The following MMP21 variants were observed in gnomAD, a reference collection of about 807,000 sequenced individuals.
MMP21 encodes the protein matrix metallopeptidase 21, also known as matrix metalloproteinase-21.
In MMP21, 40 loss-of-function variants were observed where a neutral mutation model predicts 47.8. The observed-to-expected ratio is 0.84, with a 90% CI of 0.65 to 1.09. MMP21 has a LOEUF of 1.09. MMP21 is among the 50% of genes least tolerant of loss of function. MMP21 has a pLI of 0.00. For missense variants in MMP21, 747 were observed against 775.3 expected (o/e 0.96, Z 0.43); for synonymous variants, 341 against 318.0 (o/e 1.07, Z -0.77).
At chr10:125,767,855 C>T in intron 5 of MMP21, 151 bp from the exon 6 acceptor site, 1 of 708,296 alleles carries the variant, frequency 1.4e-6, no homozygotes, top group Admixed American at 2.7e-5. Flanking sequence ...TGAGTGAAGC[C>T]TCCACTCCGC....
intron 6 of MMP21, 26 bp downstream of exon 6, chr10:125,767,506 G>A (rs745549569): frequency 6.2e-7 from 1 of 1,604,186 alleles, no homozygotes; most frequent in Admixed American, 1.7e-5. Context: ...CAGAAGCATT[G>A]CTAGGCTGAA....
intron 4 of MMP21, 56 bp from the exon 5 acceptor site, chr10:125,770,647 A>AT: frequency 1.3e-6 from 2 of 1,581,668 alleles, no homozygotes; most frequent in Non-Finnish European, 1.7e-6. Context: ...CAAAACTTAT[A>AT]TTTTCATATG....
chr10:125,772,108 A>G lies in MMP21; in HGVS notation c.979+110T>C, dbSNP rs556381208. The G allele has an allele frequency of 1.3e-5, 17 of 1,309,962 alleles. No homozygotes were observed. In the East Asian group the frequency reaches 3.9e-4, roughly 30 times the overall value. 81.1% of individuals were successfully genotyped at this position (1,309,962 alleles called of 1,614,324 possible). A position where few individuals can be genotyped will look rare whatever the true frequency, so the allele number is the denominator to read the frequency against. ...ACCCTTGGGTGACATGAGTTGTACAACGTTGCGCTCTTAGGCCCAGTTTCC... is the reference window on the plus strand; with the variant it reads ...ACCCTTGGGTGACATGAGTTGTACAGCGTTGCGCTCTTAGGCCCAGTTTCC... On this transcript the variant is annotated intron_variant, in intron 4 of 6. Transcript: ENST00000368808. This position sits in a 1 kb window ranked among gnomAD's most constrained non-coding sequence, Gnocchi z 5.6.
chr10:125,766,945 A>G lies in MMP21; in HGVS notation c.1427T>C (p.Val476Ala). 1 of 1,588,604 alleles carries G rather than the reference A, an allele frequency of 6.3e-7. No homozygotes were observed. Among genetic ancestry groups the G allele is most frequent in the Non-Finnish European group, 8.5e-7 (1 of 1,170,886 alleles). The change falls in exon 7 of 7, where the codon GTC becomes GCC. Residue 476 changes from valine (V) to alanine (A), a missense_variant. Transcript: ENST00000368808. ...AGAATTAAGTACTCGATTTCTGTTGACATCAAATGCAAATACCTGCAAAGC... is the reference window on the plus strand; with the variant it reads ...AGAATTAAGTACTCGATTTCTGTTGGCATCAAATGCAAATACCTGCAAAGC... ...FKESLVFAFD[V>A]NRNRVLNSYP...
rs1214445518 is a variant in MMP21, at chr10:125,767,543, TGAA to T, written c.1396_1398del (p.Phe466del). The T allele has an allele frequency of 1.9e-6, 3 of 1,614,112 alleles. No homozygotes were observed. The highest frequency in any genetic ancestry group is 2.2e-5 in the South Asian group (2 of 91,078). On this transcript the variant is annotated inframe_deletion, in exon 6 of 7. Coordinates refer to ENST00000368808, the MANE Select transcript of MMP21 (RefSeq NM_147191.1). ...AGCCTTCTACTTACAAGGGACTCCT[TGAA>T]GAAGTAAATTAACTTCTGTCTTCGG... is the stretch of plus-strand genomic sequence containing the variant.
Position 125,767,602 on chromosome 10 carries a change from A to T in MMP21, c.1340T>A (p.Ile447Asn). ...PKLISEGFPG[I>N]PSPLDTAFYD... ...AAACGCCGTGTCTAGGGGACTTGGG[A>T]TGCCAGGAAATCCTTCTGAAATCAA... The change falls in exon 6 of 7, where the codon ATC (isoleucine) becomes AAC (asparagine). Residue 447 changes from isoleucine to asparagine, a missense_variant. Transcript: ENST00000368808. The T allele has an allele frequency of 1.2e-6, 2 of 1,614,172 alleles. No homozygotes were observed. The highest frequency in any genetic ancestry group is 1.7e-6 in the Non-Finnish European group (2 of 1,180,030).
chr10:125,770,694 C>T, intron 4 of MMP21, 103 bp from the exon 5 acceptor site: 1 of 1,305,108 alleles, frequency 7.7e-7, no homozygotes, highest in Non-Finnish European at 1.0e-6. Context: ...CTGGGGCTTT[C>T]TATAAAAACA....
chr10:125,774,596 C>T (rs1850495153), intron 1 of MMP21, among the ~76,000 whole-genome samples: 1 of 152,196 alleles, frequency 6.6e-6, no homozygotes, highest in African/African-American at 2.4e-5. Context: ...GAGAGGTAGA[C>T]AGGAGAGAAG....
chr10:125,770,462 C>A lies in MMP21; in HGVS notation c.1109G>T (p.Arg370Leu). The change falls in exon 5 of 7, where the codon CGA becomes CTA. Residue 370 changes from arginine to leucine, a missense_variant. By Grantham distance (102) the Arg-to-Leu change is moderately radical (BLOSUM62 -2). Coordinates refer to ENST00000368808, the MANE Select transcript of MMP21 (RefSeq NM_147191.1). ...GTCCCCATAGCGTGTCCTATTGTTT[C>A]GATTTTCATAAAGCCAGTACCAGCT... Reference protein sequence around the residue: ...RNSWYWLYENRNNRTRYGDPI... With the variant: ...RNSWYWLYENLNNRTRYGDPI... The A allele has an allele frequency of 6.2e-7, 1 of 1,614,146 alleles. No homozygotes were observed. The highest frequency in any genetic ancestry group is 8.5e-7 in the Non-Finnish European group (1 of 1,180,006).
chr10:125,775,818 G>GC lies in MMP21; in HGVS notation c.3dup (p.Leu2AlafsTer256). 1 of 1,605,786 alleles carries GC rather than the reference G, an allele frequency of 6.2e-7. No individual in the cohort carries two copies. On this transcript the variant is annotated frameshift_variant, in exon 1 of 7. Transcript: ENST00000368808. LOFTEE classifies it high-confidence loss of function. ...GTCGGACGGAAGATGGAGGCGGCGA[G>GC]CATTGGCCTGGTCTGAACCCTTGCC...
Position 125,772,792 on chromosome 10 carries a change from T to G in MMP21, c.698-42A>C. On this transcript the variant is annotated intron_variant, in intron 2 of 6. Transcript: ENST00000368808. The surrounding 1 kb of genome is among the most constrained non-coding windows in gnomAD (Gnocchi z 5.6). ...GGAGTTGGTCCCGGTGAAGGATGAG[T>G]GCCCCCCATACAGACTCCTCACCTA... is the stretch of plus-strand genomic sequence containing the variant. 1 of 1,602,922 alleles carries G rather than the reference T, an allele frequency of 6.2e-7. No homozygotes were observed. Among genetic ancestry groups the G allele is most frequent in the Non-Finnish European group, 8.5e-7 (1 of 1,175,402 alleles).
Position 125,766,867 on chromosome 10 carries a change from GGATGATTTTGTGGTAT to G in MMP21, c.1489_1504del (p.Ile497LeufsTer5), listed in dbSNP as rs774211177. 1.9e-6 allele frequency: 3 copies of G among 1,613,358 alleles called. No individual in the cohort carries two copies. Among genetic ancestry groups the G allele is most frequent in the Admixed American group, 1.7e-5 (1 of 59,876 alleles). Reference sequence around the variant, plus strand: ...ATAAGCGGAATCTATATTTCTGAAAGGATGATTTTGTGGTATTACTGCTGGAAAAACTTCAGTAATC... The same window carrying G: ...ATAAGCGGAATCTATATTTCTGAAAGTACTGCTGGAAAAACTTCAGTAATC... On this transcript the variant is annotated frameshift_variant, in exon 7 of 7. Coordinates refer to ENST00000368808, the MANE Select transcript of MMP21 (RefSeq NM_147191.1). LOFTEE classifies it low-confidence loss of function (END_TRUNC).
Position 125,775,796 on chromosome 10 carries a change from G to T in MMP21, c.26C>A (p.Pro9Gln). 6.2e-7 allele frequency: 1 copy of T among 1,611,796 alleles called. No individual in the cohort carries two copies. The highest frequency in any genetic ancestry group is 8.5e-7 in the Non-Finnish European group (1 of 1,179,118). MLAASIFR[P>Q]TLLLCWLAAP... is the part of the protein sequence containing the mutation. ...AGCCAGCCAGCAGAGCAGCAGTGTC[G>T]GACGGAAGATGGAGGCGGCGAGCAT... The change falls in exon 1 of 7, where the codon CCG (proline) becomes CAG (glutamine). Residue 9 changes from proline (P) to glutamine (Q), a missense_variant. Pro to Gln is a moderately conservative substitution (Grantham distance 76). Transcript: ENST00000368808.
In MMP21 at chr10:125,766,901, C is replaced by T. The variant is rs756327326; in HGVS notation, c.1471G>A (p.Glu491Lys). 33 of 1,612,212 alleles carry T rather than the reference C, an allele frequency of 2.0e-5. No homozygotes were observed. In the Admixed American group the frequency reaches 4.9e-4, roughly 24 times the overall value. Reference sequence around the variant, plus strand: ...TGTGGTATTACTGCTGGAAAAACTTCAGTAATCCTCTTTGGATAAGAATTA... The same window carrying T: ...TGTGGTATTACTGCTGGAAAAACTTTAGTAATCCTCTTTGGATAAGAATTA... ...VLNSYPKRIT[E>K]VFPAVIPQNH... Residue 491 changes from glutamate (E) to lysine (K), a missense_variant, in exon 7 of 7, where the codon GAA becomes AAA. Coordinates refer to ENST00000368808, the MANE Select transcript of MMP21 (RefSeq NM_147191.1).
chr10:125,774,183 C>A lies in MMP21; in HGVS notation c.345G>T (p.Pro115=), dbSNP rs1333090292. 3 of 1,276,900 alleles carry A rather than the reference C, an allele frequency of 2.3e-6. No individual in the cohort carries two copies. The highest frequency in any genetic ancestry group is 8.6e-5 in the Admixed American group (2 of 23,248). The allele number at this position is 1,276,900 out of a possible 1,614,324, so 79.1% of individuals were successfully genotyped here. A position where few individuals can be genotyped will look rare whatever the true frequency, so the allele number is the denominator to read the frequency against. The part of the protein sequence containing the change: ...DAATLAAMNR[P]RCGVPDMRPP... ...GGCGCATGTCCGGGACCCCGCAGCGCGGCCGGTTCATGGCCGCTAGGGTGG... is the reference window on the plus strand; with the variant it reads ...GGCGCATGTCCGGGACCCCGCAGCGAGGCCGGTTCATGGCCGCTAGGGTGG... The change falls in exon 2 of 7, where the codon CCG becomes CCT. Residue 115 remains proline, a synonymous_variant. Transcript: ENST00000368808.
intron 1 of MMP21, among the ~76,000 whole-genome samples, chr10:125,774,979 T>C (rs1485151044): frequency 3.3e-5 from 5 of 152,166 alleles, no homozygotes; most frequent in Admixed American, 1.3e-4. Flanking sequence ...TCCACGCGGC[T>C]GCGGGCCTGG....
Position 125,772,380 on chromosome 10 carries a change from T to C in MMP21, c.838-21A>G. 1.2e-6 allele frequency: 2 copies of C among 1,613,460 alleles called. No homozygotes were observed. Among genetic ancestry groups the C allele is most frequent in the Non-Finnish European group, 1.7e-6 (2 of 1,179,792 alleles). On this transcript the variant is annotated intron_variant, in intron 3 of 6. Coordinates refer to ENST00000368808, the MANE Select transcript of MMP21 (RefSeq NM_147191.1). This position sits in a 1 kb window ranked among gnomAD's most constrained non-coding sequence, Gnocchi z 5.6. ...GCCACCTAGAAGGGGACACACACCA[T>C]GGGTGCTGGGTGAAGCCTGGGCGAT...
intron 4 of MMP21, among the ~76,000 whole-genome samples, chr10:125,771,187 C>T (rs572236696): frequency 2.0e-5 from 3 of 152,118 alleles, no homozygotes; most frequent in African/African-American, 4.8e-5. Context: ...AAGTTATGTA[C>T]GGTTGACCAC....
At chr10:125,770,185 C>T (rs1850430081) in intron 5 of MMP21, 149 bp downstream of exon 5, 4 of 856,224 alleles carry the variant, frequency 4.7e-6, no homozygotes, top group Non-Finnish European at 7.3e-6. Flanking sequence ...TCCTTGTGCC[C>T]TCAGAGCTTC....
Sources: gnomAD v4.1 joint callset for allele counts (sites outside exome capture counted in the v4.1 genomes callset) on GRCh38, gnomAD v4.1.1 for gene constraint, Gnocchi (gnomAD v3.1) non-coding constraint, MANE v1.5 for transcripts, NCBI Gene and HGNC (gene_info 2026-07-23, HGNC 2026-07-21) for gene names.